Variants in HEMK2 observed in about 807,000 individuals in gnomAD.
HEMK2 encodes methyltransferase HEMK2.
At chr21:28,638,024 T>C in the HEMK2 span, among the ~76,000 whole-genome samples, 2 of 152,228 alleles carry the variant, frequency 1.3e-5, no homozygotes, top group Non-Finnish European at 2.9e-5. Flanking sequence ...TACCATTTTC[T>C]TCCACATTTT....
At chr21:28,641,725 A>AT in the HEMK2 span, among the ~76,000 whole-genome samples, 5 of 152,310 alleles carry the variant, frequency 3.3e-5, no homozygotes, top group South Asian at 8.3e-4. Flanking sequence ...TTTTGCACAC[A>AT]TAAGTGAAGC....
the HEMK2 span, among the ~76,000 whole-genome samples, chr21:28,592,455 G>A: frequency 6.6e-6 from 1 of 152,292 alleles, no homozygotes; most frequent in African/African-American, 2.4e-5. Context: ...TAGACAATAC[G>A]TGAAAATGTG....
the HEMK2 span, among the ~76,000 whole-genome samples, chr21:28,657,264 G>C: frequency 6.2e-4 from 94 of 151,978 alleles, no homozygotes; most frequent in Non-Finnish European, 2.9e-5. Context: ...ACAGTCAAGA[G>C]GTAGCAGCAA....
chr21:28,830,695 G>A, the HEMK2 span, among the ~76,000 whole-genome samples: 1 of 152,104 alleles, frequency 6.6e-6, no homozygotes, highest in Non-Finnish European at 1.5e-5. Context: ...GGCTAACATG[G>A]TGAAACACTG....
chr21:28,602,908 C>T, the HEMK2 span, among the ~76,000 whole-genome samples: 1 of 152,202 alleles, frequency 6.6e-6, no homozygotes, highest in Non-Finnish European at 1.5e-5. Flanking sequence ...CCTAGACCTC[C>T]TTGTATCCCT....
the HEMK2 span, among the ~76,000 whole-genome samples, chr21:28,752,290 A>G: frequency 2.3e-3 from 353 of 152,292 alleles, no homozygotes; most frequent in African/African-American, 8.1e-3. Flanking sequence ...CATCATAATA[A>G]CCAGAGAGTG....
the HEMK2 span, among the ~76,000 whole-genome samples, chr21:28,650,857 C>T: frequency 3.9e-5 from 6 of 151,932 alleles, no homozygotes; most frequent in African/African-American, 1.5e-4. Flanking sequence ...TGAGAAGAGG[C>T]TATGAAAGAT....
the HEMK2 span, among the ~76,000 whole-genome samples, chr21:28,755,553 T>C: frequency 1.3e-5 from 2 of 152,188 alleles, no homozygotes; most frequent in African/African-American, 4.8e-5. Flanking sequence ...TGGGAAGAGC[T>C]CTGGAAGGCT....
chr21:28,699,851 T>C, the HEMK2 span, among the ~76,000 whole-genome samples: 2 of 152,260 alleles, frequency 1.3e-5, no homozygotes, highest in Admixed American at 1.3e-4. Flanking sequence ...CTGCAAACGC[T>C]TGATTTATGT....
At chr21:28,635,313 A>C in the HEMK2 span, among the ~76,000 whole-genome samples, 1 of 152,070 alleles carries the variant, frequency 6.6e-6, no homozygotes, top group South Asian at 2.1e-4. Context: ...CATGTTGGCC[A>C]GGCTGGTCTC....
chr21:28,827,157 A>C, the HEMK2 span, among the ~76,000 whole-genome samples: 1 of 152,178 alleles, frequency 6.6e-6, no homozygotes, highest in South Asian at 2.1e-4. Flanking sequence ...AGTCTAATGG[A>C]ACTGCTTTAT....
At chr21:28,746,900 T>G in the HEMK2 span, among the ~76,000 whole-genome samples, 1 of 152,160 alleles carries the variant, frequency 6.6e-6, no homozygotes, top group Non-Finnish European at 1.5e-5. Context: ...CAATGAGGTT[T>G]TTTACCAGGT....
chr21:28,652,767 G>T, the HEMK2 span, among the ~76,000 whole-genome samples: 1 of 152,016 alleles, frequency 6.6e-6, no homozygotes, highest in Non-Finnish European at 1.5e-5. Flanking sequence ...TGAGATAAAA[G>T]ACCACAGCAT....
chr21:28,868,407 C>T, the HEMK2 span, among the ~76,000 whole-genome samples: 177 of 152,236 alleles, frequency 1.2e-3, 1 homozygote, highest in Admixed American at 0.011. Flanking sequence ...TTAGGCTGTG[C>T]ATGGTGGCTC....
the HEMK2 span, among the ~76,000 whole-genome samples, chr21:28,831,674 AGAAAGAAAGAAGGAAGGAAG>A: frequency 4.5e-5 from 2 of 44,922 alleles, no homozygotes; most frequent in Non-Finnish European, 4.3e-5. Flanking sequence ...AAAGAAAGAA[AGAAAGAAAGAAGGAAGGAAG>A]GAAGGAAGGA....
chr21:28,665,387 ATTT>A, the HEMK2 span, among the ~76,000 whole-genome samples: 192 of 14,418 alleles, frequency 0.013, 4 homozygotes, highest in African/African-American at 0.064. Flanking sequence ...TTTTTTTTTA[ATTT>A]TTTTTTTTTT....
chr21:28,738,988 T>A, the HEMK2 span, among the ~76,000 whole-genome samples: 3 of 152,130 alleles, frequency 2.0e-5, no homozygotes, highest in Admixed American at 2.0e-4. Flanking sequence ...GTGAGTGACA[T>A]CCTGAAATAT....
At chr21:28,858,940 T>C in the HEMK2 span, among the ~76,000 whole-genome samples, 4 of 152,228 alleles carry the variant, frequency 2.6e-5, no homozygotes, top group East Asian at 7.7e-4. Context: ...TCTGTCACTC[T>C]GACAGGTCAA....
chr21:28,860,447 T>A, the HEMK2 span, among the ~76,000 whole-genome samples: 2 of 149,428 alleles, frequency 1.3e-5, no homozygotes, highest in African/African-American at 4.9e-5. Context: ...CTCCCCTTTA[T>A]ATATACAAAA....
Sources: allele counts gnomAD v4.1 joint callset (sites outside exome capture counted in the v4.1 genomes callset), GRCh38; gene constraint gnomAD v4.1.1; transcripts MANE v1.5; gene names NCBI Gene and HGNC (gene_info 2026-07-23, HGNC 2026-07-21).